SCHIP1: variants seen among roughly 807,000 people sequenced by gnomAD.
SCHIP1 encodes schwannomin-interacting protein 1.
Under a neutral mutation model 29.7 loss-of-function variants are expected in SCHIP1, and 8 were observed. That is an observed-to-expected ratio of 0.27 (90% CI 0.16 to 0.49). The LOEUF (loss-of-function observed/expected upper bound fraction) is 0.49. SCHIP1 is among the 20% of genes least tolerant of loss of function. The pLI is 0.99. For synonymous variants in SCHIP1, 76 were observed against 94.9 expected (o/e 0.80, Z 1.16); for missense variants, 193 against 294.6 (o/e 0.66, Z 2.52).
chr3:159,273,805 G>C, the SCHIP1 span: 15 of 1,613,164 alleles, frequency 9.3e-6, no homozygotes, highest in Non-Finnish European at 1.2e-5. Flanking sequence ...ATGGGCAAGA[G>C]TAACTCTTCA....
At chr3:159,397,674 C>A in the SCHIP1 span, among the ~76,000 whole-genome samples, 6 of 152,206 alleles carry the variant, frequency 3.9e-5, no homozygotes, top group Admixed American at 1.3e-4. Flanking sequence ...GGCAGTCTGC[C>A]CGTTCTCAGA....
At chr3:159,356,334 C>T in the SCHIP1 span, among the ~76,000 whole-genome samples, 1 of 152,118 alleles carries the variant, frequency 6.6e-6, no homozygotes, top group Non-Finnish European at 1.5e-5. Flanking sequence ...ATAACATGTG[C>T]CCATTTTGGC....
the SCHIP1 span, among the ~76,000 whole-genome samples, chr3:159,407,753 A>G: frequency 6.6e-6 from 1 of 152,238 alleles, no homozygotes; most frequent in African/African-American, 2.4e-5. Flanking sequence ...ATACAAACAC[A>G]TTGAAATCAA....
the SCHIP1 span, among the ~76,000 whole-genome samples, chr3:159,828,452 CGTATATATAT>C: frequency 2.6e-4 from 30 of 116,926 alleles, 1 homozygote; most frequent in East Asian, 2.1e-3. Context: ...TATATATATA[CGTATATATAT>C]GTATATATAC....
At chr3:159,484,389 A>G in the SCHIP1 span, among the ~76,000 whole-genome samples, 1 of 152,234 alleles carries the variant, frequency 6.6e-6, no homozygotes, top group African/African-American at 2.4e-5. Context: ...CAATCCGTGT[A>G]GTTGGAACTA....
the SCHIP1 span, chr3:159,273,666 G>T: frequency 2.2e-6 from 3 of 1,367,036 alleles, no homozygotes. Context: ...GTTGATAACC[G>T]AAGGGCAAAA....
At chr3:159,416,306 C>G in the SCHIP1 span, among the ~76,000 whole-genome samples, 2 of 152,170 alleles carry the variant, frequency 1.3e-5, no homozygotes, top group African/African-American at 4.8e-5. Flanking sequence ...CACCTCCATC[C>G]ATTACCATCT....
the SCHIP1 span, among the ~76,000 whole-genome samples, chr3:159,618,981 G>GA: frequency 1.3e-5 from 2 of 152,114 alleles, no homozygotes; most frequent in Non-Finnish European, 2.9e-5. Context: ...TCCTTGGCAG[G>GA]GTAAACAGCA....
the SCHIP1 span, among the ~76,000 whole-genome samples, chr3:159,333,053 C>T: frequency 6.6e-6 from 1 of 152,140 alleles, no homozygotes; most frequent in African/African-American, 2.4e-5. Flanking sequence ...TACTGAAAGA[C>T]TGTTACTTTT....
the SCHIP1 span, among the ~76,000 whole-genome samples, chr3:159,477,828 G>A: frequency 1.3e-5 from 2 of 148,972 alleles, no homozygotes; most frequent in Non-Finnish European, 3.0e-5. Flanking sequence ...TGCTTCCAGG[G>A]TCATATTCAA....
At chr3:159,663,553 T>C in the SCHIP1 span, among the ~76,000 whole-genome samples, 5 of 152,300 alleles carry the variant, frequency 3.3e-5, no homozygotes, top group East Asian at 7.7e-4. Flanking sequence ...AATTTCCTCA[T>C]GTATAAAATG....
chr3:159,369,879 A>G, the SCHIP1 span, among the ~76,000 whole-genome samples: 1 of 152,306 alleles, frequency 6.6e-6, no homozygotes, highest in Non-Finnish European at 1.5e-5. Context: ...GACATAAGCA[A>G]TTAACAATTT....
intron 2 of SCHIP1, among the ~76,000 whole-genome samples, chr3:159,883,631 T>G (rs1716666983): frequency 6.6e-6 from 1 of 152,158 alleles, no homozygotes; most frequent in South Asian, 2.1e-4. Context: ...TTTTAAGATG[T>G]CTTTACTAAA....
the SCHIP1 span, among the ~76,000 whole-genome samples, chr3:159,785,998 C>T: frequency 6.6e-6 from 1 of 152,142 alleles, no homozygotes; most frequent in African/African-American, 2.4e-5. Context: ...TTGTTTTAAA[C>T]ATCTATTTAA....
At chr3:159,764,304 C>A in the SCHIP1 span, 1 of 1,042,852 alleles carries the variant, frequency 9.6e-7, no homozygotes, top group Non-Finnish European at 1.3e-6. The surrounding 1 kb of genome is among the most constrained non-coding windows in gnomAD (Gnocchi z 6.1). Flanking sequence ...CTGGCTCCCG[C>A]CCCCAGGCCT....
At chr3:159,418,910 A>G in the SCHIP1 span, among the ~76,000 whole-genome samples, 2 of 152,236 alleles carry the variant, frequency 1.3e-5, no homozygotes, top group Admixed American at 6.5e-5. Flanking sequence ...CCCAGAATTT[A>G]GTTTGATCAG....
the SCHIP1 span, among the ~76,000 whole-genome samples, chr3:159,351,581 T>A: frequency 5.9e-5 from 9 of 152,266 alleles, no homozygotes; most frequent in Middle Eastern, 0.01. Flanking sequence ...TTATCTTATT[T>A]TAAAATTTTT....
chr3:159,295,049 G>A, the SCHIP1 span, among the ~76,000 whole-genome samples: 6 of 151,826 alleles, frequency 4.0e-5, no homozygotes, highest in African/African-American at 1.2e-4. Flanking sequence ...ACATGTATCC[G>A]ACAGCATATT....
At chr3:159,623,494 C>T in the SCHIP1 span, among the ~76,000 whole-genome samples, 83 of 152,156 alleles carry the variant, frequency 5.5e-4, 2 homozygotes, top group East Asian at 0.011. Context: ...GGCATGGTGG[C>T]GCATGCCTGT....
Sources: gnomAD v4.1 joint callset for allele counts (sites outside exome capture counted in the v4.1 genomes callset) on GRCh38, gnomAD v4.1.1 for gene constraint, Gnocchi (gnomAD v3.1) non-coding constraint, MANE v1.5 for transcripts, NCBI Gene and HGNC (gene_info 2026-07-23, HGNC 2026-07-21) for gene names.